CFAP53: variants seen among roughly 807,000 people sequenced by gnomAD.
CFAP53 encodes the protein cilia- and flagella-associated protein 53.
CFAP53 carries 62 observed loss-of-function variants against 59.7 expected under a neutral mutation model. The ratio of observed to expected loss-of-function variants is 1.04; its 90% CI spans 0.85 to 1.28. The LOEUF (loss-of-function observed/expected upper bound fraction) is 1.28. Ranked by LOEUF, CFAP53 falls within the 50% of genes most tolerant of loss-of-function variation. The pLI is 0.00. For synonymous variants in CFAP53, 218 were observed against 205.7 expected (o/e 1.06, Z -0.51); for missense variants, 629 against 615.6 (o/e 1.02, Z -0.23).
At chr18:50,249,521 A>C (rs2033777836) in intron 5 of CFAP53, among the ~76,000 whole-genome samples, 1 of 152,010 alleles carries the variant, frequency 6.6e-6, no homozygotes, top group Non-Finnish European at 1.5e-5. Context: ...GTCTCAAAAA[A>C]AAAAATTAAA....
chr18:50,258,534 T>C (rs1182430011), intron 3 of CFAP53, among the ~76,000 whole-genome samples: 1 of 152,164 alleles, frequency 6.6e-6, no homozygotes, highest in African/African-American at 2.4e-5. Context: ...CTCTAGGACA[T>C]TGGACTGGGC....
intron 5 of CFAP53, among the ~76,000 whole-genome samples, chr18:50,248,167 T>C (rs943384912): frequency 1.5e-5 from 2 of 137,922 alleles, no homozygotes; most frequent in Admixed American, 7.2e-5. Context: ...GCAAAAGACA[T>C]GAAGAGACAT....
In CFAP53 at chr18:50,251,626, G is replaced by A. The variant is rs1257863957; in HGVS notation, c.632C>T (p.Ala211Val). 2 of 1,614,130 alleles carry A rather than the reference G, an allele frequency of 1.2e-6. No homozygotes were observed. The highest frequency in any genetic ancestry group is 3.3e-5 in the Admixed American group (2 of 60,016). ...FSKLWEEDRL[A>V]KEKREAQEAR... ...CTCTTGGGCTTCTCGCTTTTCCTTG[G>A]CTAATCGGTCTTCCTCCCAGAGTTT... Residue 211 changes from alanine (A) to valine (V), a missense_variant, in exon 4 of 8, where the codon GCC becomes GTC. By Grantham distance (64) the Ala-to-Val change is moderately conservative. Transcript: ENST00000398545.
At chr18:50,251,445 G>T (rs74431781) in intron 4 of CFAP53, 36 bp downstream of exon 4, 1 of 1,574,238 alleles carries the variant, frequency 6.4e-7, no homozygotes, top group Non-Finnish European at 8.6e-7. Flanking sequence ...CACCCATGGC[G>T]TTGATCACCC....
intron 5 of CFAP53, among the ~76,000 whole-genome samples, chr18:50,249,989 G>A (rs2033781985): frequency 6.6e-6 from 1 of 152,174 alleles, no homozygotes; most frequent in Non-Finnish European, 1.5e-5. Context: ...TTAGGAGGCT[G>A]AGGTGGGAGG....
chr18:50,249,064 G>A (rs1161361397), intron 5 of CFAP53, among the ~76,000 whole-genome samples: 6 of 151,130 alleles, frequency 4.0e-5, no homozygotes, highest in Admixed American at 6.6e-5. Context: ...TTAGCCAGAC[G>A]CAGTGGCACC....
At chr18:50,235,406 A>G (rs2033623976) in intron 7 of CFAP53, among the ~76,000 whole-genome samples, 1 of 152,004 alleles carries the variant, frequency 6.6e-6, no homozygotes, top group Non-Finnish European at 1.5e-5. Flanking sequence ...TCTCTACTAA[A>G]AATTACAAAA....
intron 7 of CFAP53, among the ~76,000 whole-genome samples, chr18:50,229,446 T>C (rs2033558246): frequency 6.6e-6 from 1 of 152,222 alleles, no homozygotes; most frequent in African/African-American, 2.4e-5. Context: ...AAATATTCCA[T>C]CATAAATATA....
At chr18:50,253,167 C>T (rs183851511) in intron 3 of CFAP53, among the ~76,000 whole-genome samples, 123 of 152,282 alleles carry the variant, frequency 8.1e-4, no homozygotes, top group African/African-American at 2.7e-3. Context: ...CAGGCGCCCA[C>T]CACCACGCCT....
At chr18:50,258,758 A>T (rs186327820) in intron 3 of CFAP53, among the ~76,000 whole-genome samples, 2 of 152,350 alleles carry the variant, frequency 1.3e-5, no homozygotes, top group Non-Finnish European at 2.9e-5. Context: ...ACTCCATAAG[A>T]AAAAAATCCA....
intron 5 of CFAP53, among the ~76,000 whole-genome samples, chr18:50,250,550 G>A (rs2033788006): frequency 6.6e-6 from 1 of 152,114 alleles, no homozygotes; most frequent in African/African-American, 2.4e-5. Context: ...CAGATTTCCT[G>A]CCCCTGTCAT....
At position 50,238,737 on chromosome 18, in the gene CFAP53, T is replaced by A. The variant is rs753975994; in HGVS notation, c.1214-32A>T. ...AAAGCAAAAGTAATTATATGTCAAA[T>A]GACTTTCAGACAAGAATTGCCAACA... On this transcript the variant is annotated intron_variant, in intron 6 of 7. Transcript: ENST00000398545. The A allele has an allele frequency of 5.2e-6, 8 of 1,533,188 alleles. No homozygotes were observed. The South Asian group carries it at 7.9e-5, about 15-fold the overall frequency. The allele number at this position is 1,533,188 out of a possible 1,614,324, so 95.0% of individuals were successfully genotyped here. A position where few individuals can be genotyped will look rare whatever the true frequency, so the allele number is the denominator to read the frequency against.
chr18:50,251,901 G>T, intron 3 of CFAP53, 117 bp from the exon 4 acceptor site: 1 of 867,324 alleles, frequency 1.2e-6, no homozygotes, highest in Non-Finnish European at 1.8e-6. Context: ...CTGGATGCAG[G>T]CCATCGGAGC....
intron 1 of CFAP53, 104 bp from the exon 2 acceptor site, chr18:50,262,323 T>C: frequency 1.1e-6 from 1 of 877,204 alleles, no homozygotes; most frequent in Non-Finnish European, 1.8e-6. Flanking sequence ...TAAAATTGGG[T>C]ATAAAAAACT....
At chr18:50,237,329 A>AATATATATAT (rs1555671379) in intron 7 of CFAP53, among the ~76,000 whole-genome samples, 3 of 6,346 alleles carry the variant, frequency 4.7e-4, no homozygotes, top group African/African-American at 8.4e-4. Flanking sequence ...AAAAAAAAAA[A>AATATATATAT]ATATATATAT....
At chr18:50,228,501 A>T (rs1181705832) in intron 7 of CFAP53, among the ~76,000 whole-genome samples, 1 of 152,120 alleles carries the variant, frequency 6.6e-6, no homozygotes, top group Non-Finnish European at 1.5e-5. Flanking sequence ...GTAATAAAAA[A>T]CACATTATGA....
intron 5 of CFAP53, among the ~76,000 whole-genome samples, chr18:50,246,724 C>T (rs2033748611): frequency 1.3e-5 from 2 of 152,138 alleles, no homozygotes; most frequent in African/African-American, 4.8e-5. Context: ...AGTCATTTAT[C>T]TGGTAAGAGA....
At chr18:50,250,701 G>C (rs1470944070) in intron 5 of CFAP53, 57 bp downstream of exon 5, 2 of 1,384,560 alleles carry the variant, frequency 1.4e-6, no homozygotes, top group African/African-American at 2.8e-5. Flanking sequence ...CCACAAGACT[G>C]AGAACTCAGT....
In CFAP53 at chr18:50,243,109, A is replaced by G. The variant is rs777668255; in HGVS notation, c.1004T>C (p.Met335Thr). ...ADKKKQKRED[M>T]IREQKIYHKY... Reference sequence around the variant, plus strand: ...ATGGTATATCTTCTGTTCTCTTATCATATCTTCCTATGTAACATAAAAATT... The same window carrying G: ...ATGGTATATCTTCTGTTCTCTTATCGTATCTTCCTATGTAACATAAAAATT... The change falls in exon 6 of 8, where the codon ATG becomes ACG. Residue 335 changes from methionine (M) to threonine (T), a missense_variant. Physicochemically the swap from Met to Thr is moderately conservative, Grantham distance 81 (BLOSUM62 -1). Coordinates refer to ENST00000398545, the MANE Select transcript of CFAP53 (RefSeq NM_145020.5). 139 of 1,607,626 alleles carry G rather than the reference A, an allele frequency of 8.6e-5. 2 individuals are homozygous for G. The South Asian group carries it at 1.4e-3, about 16-fold the overall frequency.
Sources: allele counts gnomAD v4.1 joint callset (sites outside exome capture counted in the v4.1 genomes callset), GRCh38; gene constraint gnomAD v4.1.1; transcripts MANE v1.5; gene names NCBI Gene and HGNC (gene_info 2026-07-23, HGNC 2026-07-21).